Variants in PRKAG2 observed in about 807,000 individuals in gnomAD.
PRKAG2 encodes protein kinase AMP-activated non-catalytic subunit gamma 2.
PRKAG2 carries 26 observed loss-of-function variants against 69.6 expected under a neutral mutation model. That is an observed-to-expected ratio of 0.37 (90% CI 0.27 to 0.52). The LOEUF (loss-of-function observed/expected upper bound fraction) is 0.52, where lower values mean the gene tolerates loss of function less well. PRKAG2 is among the 20% of genes least tolerant of loss of function. The pLI, the probability that PRKAG2 is intolerant of heterozygous loss-of-function variation, is 0.90. For missense variants in PRKAG2, 557 were observed against 740.0 expected, an observed-to-expected ratio of 0.75 and a Z score of 2.87; for synonymous variants, 293 against 285.0, an observed-to-expected ratio of 1.03 and a Z score of -0.28.
intron 8 of PRKAG2, among the ~76,000 whole-genome samples, chr7:151,573,602 A>C (rs1761415979): frequency 6.6e-6 from 1 of 152,100 alleles, no homozygotes; most frequent in African/African-American, 2.4e-5. Context: ...ATTTCACAGA[A>C]ATCTATCTAT....
At position 151,836,859 on chromosome 7, in the gene PRKAG2, G is replaced by A. The variant is rs1156457342; in HGVS notation, c.114+39648C>T. 6.6e-6 allele frequency among the ~76,000 whole-genome samples: 1 copy of A among 152,200 alleles called. No individual in the cohort carries two copies. The highest frequency in any genetic ancestry group is 1.5e-5 in the Non-Finnish European group (1 of 68,018). On this transcript the variant is annotated intron_variant, in intron 1 of 15. Coordinates refer to ENST00000287878, the MANE Select transcript of PRKAG2 (RefSeq NM_016203.4). This position sits in a 1 kb window ranked among gnomAD's most constrained non-coding sequence, Gnocchi z 4.1. ...AGCCACTGAGAATATTCAGTTCTTG[G>A]ATCATCCACAACAGCGGAAGCAGAA...
rs904100201 is a variant in PRKAG2, at chr7:151,691,560, T to A, written c.467-15923A>T. ...AAGATATACAGATGACAAATAATGA[T>A]ATGATATTCACCATCATTAATCTTT... On this transcript the variant is annotated intron_variant, in intron 3 of 15. Coordinates refer to ENST00000287878, the MANE Select transcript of PRKAG2 (RefSeq NM_016203.4). 7.3e-5 allele frequency among the ~76,000 whole-genome samples: 11 copies of A among 151,128 alleles called. 1 individual carries two copies. In the South Asian group the frequency reaches 8.3e-4, roughly 11 times the overall value.
chr7:151,824,381 G>A (rs1039327468), intron 1 of PRKAG2, among the ~76,000 whole-genome samples: 1 of 152,170 alleles, frequency 6.6e-6, no homozygotes, highest in African/African-American at 2.4e-5. Flanking sequence ...TATGCTGCTT[G>A]TGTTAACATC....
In PRKAG2 at chr7:151,675,535, C is replaced by T. The variant is rs551795395; in HGVS notation, c.569G>A (p.Arg190His). ...CGGGGGGGAAGACGAGGCATAGATG[C>T]GATTCTCTAACCGTTCAGGCTCGTG... ...YKHEPERLEN[R>H]IYASSSPPDT... The change falls in exon 4 of 16, where the codon CGC becomes CAC. Residue 190 changes from arginine to histidine, a missense_variant. Around this residue, in one of 2 missense-constraint regions of PRKAG2, gnomAD observed 352 missense variants for 356.7 expected, o/e 0.99. Transcript: ENST00000287878. 2.5e-6 allele frequency: 4 copies of T among 1,613,994 alleles called. No individual in the cohort carries two copies. The highest frequency in any genetic ancestry group is 1.6e-4 in the Middle Eastern group (1 of 6,084).
chr7:151,586,249 C>G (rs2538040), intron 6 of PRKAG2, among the ~76,000 whole-genome samples: 82,335 of 152,058 alleles, frequency 0.54, 23,130 homozygotes, highest in East Asian at 0.81. Context: ...TGCCAGCCTA[C>G]TCTAGCTGGA....
chr7:151,777,110 G>C lies in PRKAG2; in HGVS notation c.466+4042C>G, dbSNP rs2076403448. On this transcript the variant is annotated intron_variant, in intron 3 of 15. Coordinates refer to ENST00000287878, the MANE Select transcript of PRKAG2 (RefSeq NM_016203.4). The surrounding 1 kb of genome is among the most constrained non-coding windows in gnomAD (Gnocchi z 4.3). ...CTCGGCCCCTGGCTTTAAGGAAAGGGTGGAGGGGAGTCTGGGAGCTTCCTC... is the reference window on the plus strand; with the variant it reads ...CTCGGCCCCTGGCTTTAAGGAAAGGCTGGAGGGGAGTCTGGGAGCTTCCTC... Among the ~76,000 whole-genome samples, 1 of 152,200 alleles carries C rather than the reference G, an allele frequency of 6.6e-6. No homozygotes were observed. The highest frequency in any genetic ancestry group is 1.5e-5 in the Non-Finnish European group (1 of 68,020).
intron 3 of PRKAG2, among the ~76,000 whole-genome samples, chr7:151,683,471 G>T (rs575086183): frequency 3.0e-4 from 46 of 152,244 alleles, no homozygotes; most frequent in African/African-American, 1.1e-3. Context: ...CCTCCACTGC[G>T]TAAATGGAAT....
intron 1 of PRKAG2, among the ~76,000 whole-genome samples, chr7:151,864,450 C>T (rs150379282): frequency 0.012 from 1,840 of 152,306 alleles, 19 homozygotes; most frequent in African/African-American, 0.016. Flanking sequence ...GCATCCTCTG[C>T]GCCACTTCCA....
intron 1 of PRKAG2, among the ~76,000 whole-genome samples, chr7:151,874,605 A>G (rs549860451): frequency 1.2e-4 from 19 of 152,114 alleles, no homozygotes; most frequent in African/African-American, 4.6e-4. Context: ...TTTTCCCGGG[A>G]TGGGTGTGAT....
rs189278238 is a variant in PRKAG2 at position 151,612,220 on chromosome 7, T to C, written c.755-16766A>G. Among the ~76,000 whole-genome samples the C allele has an allele frequency of 1.1e-4, 16 of 152,248 alleles. No homozygotes were observed. The East Asian group carries it at 2.9e-3, about 28-fold the overall frequency. On this transcript the variant is annotated intron_variant, in intron 5 of 15. Transcript: ENST00000287878. ...AGCCTGTCTCTCCCCAGGATGCCCA[T>C]CCTCTGCTGAACCTGCCCGCAGGTT...
At chr7:151,664,328 T>C (rs1428954672) in intron 4 of PRKAG2, among the ~76,000 whole-genome samples, 1 of 152,154 alleles carries the variant, frequency 6.6e-6, no homozygotes, top group Non-Finnish European at 1.5e-5. Flanking sequence ...ATAAATCCGA[T>C]ATTCCCATTT....
intron 1 of PRKAG2, among the ~76,000 whole-genome samples, chr7:151,795,889 A>ATG: frequency 9.5e-6 from 1 of 105,206 alleles, no homozygotes; most frequent in Non-Finnish European, 1.9e-5. Context: ...ATATATATAT[A>ATG]TCACGATAAT....
At chr7:151,722,787 T>C (rs551530106) in intron 3 of PRKAG2, among the ~76,000 whole-genome samples, 88 of 152,224 alleles carry the variant, frequency 5.8e-4, no homozygotes, top group African/African-American at 2.0e-3. Flanking sequence ...ATTATGGATG[T>C]GCTACTAACA....
At position 151,852,061 on chromosome 7, in the gene PRKAG2, A is replaced by AC. The variant is rs1381924322; in HGVS notation, c.114+24445dup. ...TGGAAGAATGCCAGCCTCAAAGCAA[A>AC]CCCTCAACAGTGCTGCTTACTGAGT... On this transcript the variant is annotated intron_variant, in intron 1 of 15. Coordinates refer to ENST00000287878, the MANE Select transcript of PRKAG2 (RefSeq NM_016203.4). 2.0e-5 allele frequency among the ~76,000 whole-genome samples: 3 copies of AC among 152,136 alleles called. No homozygotes were observed. In the East Asian group the frequency reaches 5.8e-4, roughly 29 times the overall value.
intron 3 of PRKAG2, among the ~76,000 whole-genome samples, chr7:151,711,153 A>C (rs1337883699): frequency 1.3e-5 from 2 of 151,698 alleles, no homozygotes; most frequent in African/African-American, 4.9e-5. Context: ...AAACAGTGCT[A>C]AGCTGAGAGT....
intron 1 of PRKAG2, among the ~76,000 whole-genome samples, chr7:151,862,159 C>T (rs1435950506): frequency 1.3e-5 from 2 of 151,444 alleles, no homozygotes; most frequent in South Asian, 2.1e-4. Context: ...AGGACCATCC[C>T]GCCATGGCAG....
intron 3 of PRKAG2, among the ~76,000 whole-genome samples, chr7:151,696,537 C>G (rs557800106): frequency 6.4e-4 from 98 of 152,324 alleles, no homozygotes; most frequent in African/African-American, 2.3e-3. Flanking sequence ...TCTCCTTTGA[C>G]TGAGAACAAG....
chr7:151,727,380 G>A (rs1798159892), intron 3 of PRKAG2, among the ~76,000 whole-genome samples: 2 of 152,134 alleles, frequency 1.3e-5, no homozygotes, highest in Admixed American at 6.5e-5. Flanking sequence ...TCCAGCCATC[G>A]AGGTGGGGAG....
chr7:151,686,451 T>C (rs1167177552), intron 3 of PRKAG2, among the ~76,000 whole-genome samples: 2 of 152,124 alleles, frequency 1.3e-5, no homozygotes, highest in Non-Finnish European at 2.9e-5. Context: ...TGGACTCTGA[T>C]AGGAATGACT....
Sources: gnomAD v4.1 joint callset for allele counts (sites outside exome capture counted in the v4.1 genomes callset) on GRCh38, gnomAD v4.1.1 for gene constraint, gnomAD v4.1.1 regional missense constraint, Gnocchi (gnomAD v3.1) non-coding constraint, MANE v1.5 for transcripts, NCBI Gene and HGNC (gene_info 2026-07-23, HGNC 2026-07-21) for gene names.